The following CLMP variants were observed in gnomAD, a reference collection of about 807,000 sequenced individuals.
CLMP encodes CXADR-like membrane protein.
A neutral mutation model predicts 45.2 loss-of-function variants in CLMP; 27 were observed. That is an observed-to-expected ratio of 0.60 (90% CI 0.44 to 0.82). The LOEUF (loss-of-function observed/expected upper bound fraction) is 0.82, where lower values mean the gene tolerates loss of function less well. CLMP is among the 40% of genes least tolerant of loss of function. The pLI is 0.00. For missense variants in CLMP, 403 were observed against 448.4 expected (o/e 0.90, Z 0.91); for synonymous variants, 167 against 171.4 (o/e 0.97, Z 0.20).
intron 1 of CLMP, among the ~76,000 whole-genome samples, chr11:123,166,424 G>A (rs1395537952): frequency 2.0e-5 from 3 of 152,246 alleles, no homozygotes; most frequent in South Asian, 4.1e-4. Context: ...CAATAGCCCA[G>A]AGTCTGCTGC....
chr11:123,128,181 GATGAAGA>G (rs1335713959), intron 1 of CLMP, among the ~76,000 whole-genome samples: 1 of 149,012 alleles, frequency 6.7e-6, no homozygotes, highest in African/African-American at 2.5e-5. Context: ...CATTTCAGGA[GATGAAGA>G]ATGAAGAAAA....
intron 1 of CLMP, among the ~76,000 whole-genome samples, chr11:123,171,933 T>C (rs1385523136): frequency 6.6e-6 from 1 of 152,182 alleles, no homozygotes; most frequent in Non-Finnish European, 1.5e-5. Context: ...TCTTAACATT[T>C]CAGTGCAGAT....
chr11:123,183,939 A>G (rs1312142841), intron 1 of CLMP, among the ~76,000 whole-genome samples: 2 of 152,084 alleles, frequency 1.3e-5, no homozygotes, highest in African/African-American at 4.8e-5. Context: ...TCGAGTTTTG[A>G]TTTGACTAAC....
intron 5 of CLMP, among the ~76,000 whole-genome samples, chr11:123,080,790 A>G (rs896770608): frequency 1.3e-5 from 2 of 152,248 alleles, no homozygotes; most frequent in Non-Finnish European, 2.9e-5. Flanking sequence ...AGAATGTTGA[A>G]GTATAACTTT....
At chr11:123,160,977 C>CA (rs547809662) in intron 1 of CLMP, among the ~76,000 whole-genome samples, 1,968 of 64,226 alleles carry the variant, frequency 0.031, 43 homozygotes, top group African/African-American at 0.091. Context: ...GACCCTGCCT[C>CA]AAAAAAAAAA....
intron 1 of CLMP, among the ~76,000 whole-genome samples, chr11:123,150,785 C>T (rs1263087796): frequency 6.6e-6 from 1 of 152,148 alleles, no homozygotes; most frequent in Non-Finnish European, 1.5e-5. Context: ...GGCACGATCT[C>T]GGCTCACTGC....
chr11:123,078,890 T>A (rs1246647273), intron 5 of CLMP, among the ~76,000 whole-genome samples: 1 of 152,114 alleles, frequency 6.6e-6, no homozygotes, highest in African/African-American at 2.4e-5. Context: ...GTGATCCACC[T>A]GCCTCGGCCT....
At chr11:123,149,112 G>A (rs1328241272) in intron 1 of CLMP, among the ~76,000 whole-genome samples, 2 of 152,176 alleles carry the variant, frequency 1.3e-5, no homozygotes, top group African/African-American at 4.8e-5. Flanking sequence ...GGAAGCGGGT[G>A]TCTAAATTAC....
In CLMP at chr11:123,073,316, A is replaced by T; in HGVS notation, c.*158T>A. The T allele has an allele frequency of 1.2e-6, 1 of 802,266 alleles. No homozygotes were observed. The highest frequency in any genetic ancestry group is 2.0e-6 in the Non-Finnish European group (1 of 508,814). The allele number at this position is 802,266 out of a possible 1,614,324, so 49.7% of individuals were successfully genotyped here. ...CATCCTTTTGCTTGTTTGGTATTGT[A>T]TAAGGAAAATGCTCATCTGAATCTG... On this transcript the variant is annotated 3_prime_UTR_variant, in exon 7 of 7. Coordinates refer to ENST00000448775, the MANE Select transcript of CLMP (RefSeq NM_024769.5).
At chr11:123,165,438 A>G (rs188819547) in intron 1 of CLMP, among the ~76,000 whole-genome samples, 24 of 152,270 alleles carry the variant, frequency 1.6e-4, no homozygotes, top group African/African-American at 5.3e-4. Flanking sequence ...AGTATCTGGT[A>G]CCTACCGCAT....
chr11:123,083,086 C>T lies in CLMP; in HGVS notation c.678G>A (p.Gln226=). 1 of 1,614,164 alleles carries T rather than the reference C, an allele frequency of 6.2e-7. No homozygotes were observed. Among genetic ancestry groups the T allele is most frequent in the Non-Finnish European group, 8.5e-7 (1 of 1,180,028 alleles). Residue 226 remains glutamine, a splice_region_variant and synonymous_variant, in exon 5 of 7, where the codon CAG becomes CAA. Transcript: ENST00000448775. ...ACTAAAACCTCTTTGGATGCTTACA[C>T]TGTACAGTTACTCGCACCACACAGC... ...KESCVVRVTV[Q]YVQSIGMVAG... is the part of the protein sequence containing the mutation.
intron 1 of CLMP, among the ~76,000 whole-genome samples, chr11:123,138,602 AC>A (rs1217096278): frequency 8.7e-5 from 3 of 34,464 alleles, no homozygotes; most frequent in Admixed American, 2.8e-4. Context: ...CCTGCCCCCC[AC>A]CCCCCTCCCC....
intron 1 of CLMP, among the ~76,000 whole-genome samples, chr11:123,183,095 G>GT (rs1289698899): frequency 6.6e-6 from 1 of 152,146 alleles, no homozygotes; most frequent in Non-Finnish European, 1.5e-5. Context: ...CTTCTATAAT[G>GT]TTTTTCCCCT....
At chr11:123,175,189 T>C (rs1446878779) in intron 1 of CLMP, among the ~76,000 whole-genome samples, 3 of 152,160 alleles carry the variant, frequency 2.0e-5, no homozygotes, top group Non-Finnish European at 4.4e-5. Flanking sequence ...AGAACTTCCC[T>C]GAGACTGGGT....
chr11:123,193,990 T>C (rs1194495453), intron 1 of CLMP, among the ~76,000 whole-genome samples: 1 of 152,138 alleles, frequency 6.6e-6, no homozygotes, highest in African/African-American at 2.4e-5. Flanking sequence ...ATCCCATGCT[T>C]CAGGGTGCAT....
At chr11:123,112,329 T>C (rs1860650731) in intron 1 of CLMP, among the ~76,000 whole-genome samples, 1 of 150,400 alleles carries the variant, frequency 6.6e-6, no homozygotes, top group Admixed American at 6.8e-5. Context: ...TTTCTTTCTT[T>C]TTCTTTTTCT....
chr11:123,177,190 C>T lies in CLMP; in HGVS notation c.28+17723G>A, dbSNP rs971199780. Among the ~76,000 whole-genome samples, 4 of 152,276 alleles carry T rather than the reference C, an allele frequency of 2.6e-5. 1 individual carries two copies. In the Middle Eastern group the frequency reaches 0.01, roughly 388 times the overall value. ...CATTTAGAGGCAGTCCTAGAGCAGG[C>T]TTCTGTCTGAATTCAGAGCCCTTCC... On this transcript the variant is annotated intron_variant, in intron 1 of 6. Coordinates refer to ENST00000448775, the MANE Select transcript of CLMP (RefSeq NM_024769.5).
At chr11:123,081,188 A>T (rs1445972245) in intron 5 of CLMP, among the ~76,000 whole-genome samples, 2 of 152,050 alleles carry the variant, frequency 1.3e-5, no homozygotes, top group African/African-American at 4.8e-5. Flanking sequence ...CAACAACAAA[A>T]AAAAACAGGG....
intron 1 of CLMP, among the ~76,000 whole-genome samples, chr11:123,110,620 A>G (rs898517860): frequency 2.0e-5 from 3 of 150,916 alleles, no homozygotes; most frequent in Non-Finnish European, 4.4e-5. Flanking sequence ...CTTCTCAAAG[A>G]AAAAAAAATG....
Sources: allele counts gnomAD v4.1 joint callset (sites outside exome capture counted in the v4.1 genomes callset), GRCh38; gene constraint gnomAD v4.1.1; transcripts MANE v1.5; gene names NCBI Gene and HGNC (gene_info 2026-07-23, HGNC 2026-07-21).